GSK3B: variants seen among roughly 807,000 people sequenced by gnomAD.
GSK3B encodes the protein glycogen synthase kinase 3 beta.
A neutral mutation model predicts 56.4 loss-of-function variants in GSK3B; 15 were observed. That is an observed-to-expected ratio of 0.27 (90% confidence interval 0.18 to 0.41). The LOEUF (loss-of-function observed/expected upper bound fraction) is 0.41, where lower values mean the gene tolerates loss of function less well. GSK3B is among the 10% of genes least tolerant of loss of function. GSK3B has a pLI of 1.00. For missense variants in GSK3B, 300 were observed against 513.4 expected, an observed-to-expected ratio of 0.58 and a Z score of 4.02; for synonymous variants, 181 against 188.9, an observed-to-expected ratio of 0.96 and a Z score of 0.34.
intron 7 of GSK3B, among the ~76,000 whole-genome samples, chr3:119,883,799 G>T (rs1421683206): frequency 4.6e-5 from 7 of 152,154 alleles, no homozygotes; most frequent in African/African-American, 1.7e-4. Context: ...TGGCATCAAA[G>T]AATCTGGTTA....
intron 2 of GSK3B, among the ~76,000 whole-genome samples, chr3:119,973,704 T>C (rs569455516): frequency 6.6e-6 from 1 of 152,378 alleles, no homozygotes; most frequent in East Asian, 1.9e-4. Context: ...AATTATATAA[T>C]TGTTCTATTT....
At chr3:119,838,999 C>T (rs971001995) in intron 10 of GSK3B, among the ~76,000 whole-genome samples, 6 of 152,118 alleles carry the variant, frequency 3.9e-5, no homozygotes, top group Non-Finnish European at 8.8e-5. Context: ...GTGTTAATGT[C>T]CTCAAACTTA....
At position 119,853,994 on chromosome 3, in the gene GSK3B, T is replaced by C. The variant is rs570922077; in HGVS notation, c.1096+9425A>G. The stretch of plus-strand genomic sequence containing the variant: ...GGTGAGAAAGGGAACCCCTGTCTTG[T>C]GCCAGTTTTCAAAGAGGAATGCTTC... On this transcript the variant is annotated intron_variant, in intron 9 of 10. Transcript: ENST00000264235. Among the ~76,000 whole-genome samples the C allele has an allele frequency of 3.3e-5, 5 of 152,338 alleles. No individual in the cohort carries two copies. In the South Asian group the frequency reaches 1.0e-3, roughly 32 times the overall value.
chr3:119,955,595 C>T (rs1235287212), intron 2 of GSK3B, among the ~76,000 whole-genome samples: 5 of 151,992 alleles, frequency 3.3e-5, no homozygotes, highest in Non-Finnish European at 4.4e-5. Context: ...TTAAATACAG[C>T]GCTAAATATT....
chr3:119,879,240 G>A (rs2056351297), intron 7 of GSK3B, among the ~76,000 whole-genome samples: 1 of 152,080 alleles, frequency 6.6e-6, no homozygotes, highest in African/African-American at 2.4e-5. Context: ...GAGTGCAGTG[G>A]CGTGATCTCA....
chr3:119,939,500 AG>A (rs2057026891), intron 3 of GSK3B, among the ~76,000 whole-genome samples: 2 of 152,184 alleles, frequency 1.3e-5, no homozygotes, highest in Non-Finnish European at 2.9e-5. Flanking sequence ...TGGTAAACCC[AG>A]ACAATAAATT....
intron 9 of GSK3B, among the ~76,000 whole-genome samples, chr3:119,850,097 T>C (rs2055907917): frequency 1.3e-5 from 2 of 152,000 alleles, no homozygotes; most frequent in Non-Finnish European, 2.9e-5. Context: ...ATTTTGGCCT[T>C]AGATAAGGAG....
chr3:119,922,889 T>C (rs1193651873), intron 4 of GSK3B, among the ~76,000 whole-genome samples: 1 of 152,138 alleles, frequency 6.6e-6, no homozygotes, highest in Non-Finnish European at 1.5e-5. Flanking sequence ...ATGGCATTGA[T>C]ATTAGATACC....
intron 9 of GSK3B, among the ~76,000 whole-genome samples, chr3:119,860,570 T>C (rs140493395): frequency 7.9e-5 from 12 of 152,342 alleles, no homozygotes; most frequent in African/African-American, 2.6e-4. Flanking sequence ...TTACTGTTTA[T>C]GGCTAATTAC....
At chr3:120,055,766 TGG>T (rs1304325522) in intron 1 of GSK3B, among the ~76,000 whole-genome samples, 2 of 152,134 alleles carry the variant, frequency 1.3e-5, no homozygotes, top group African/African-American at 4.8e-5. Flanking sequence ...TACATGAAAA[TGG>T]ATCTTTCAAC....
At chr3:119,831,673 A>G (rs1252505074) in intron 10 of GSK3B, among the ~76,000 whole-genome samples, 1 of 151,664 alleles carries the variant, frequency 6.6e-6, no homozygotes, top group Non-Finnish European at 1.5e-5. Context: ...AAAAAAAAAT[A>G]AGAGAAGAGT....
intron 2 of GSK3B, among the ~76,000 whole-genome samples, chr3:119,955,765 T>C (rs1394432106): frequency 6.6e-6 from 1 of 152,120 alleles, no homozygotes; most frequent in Non-Finnish European, 1.5e-5. Flanking sequence ...GCGATTCTCC[T>C]GCCTCACCCT....
intron 1 of GSK3B, among the ~76,000 whole-genome samples, chr3:120,082,385 CTTTTTTTTTT>C (rs1173737285): frequency 1.1e-3 from 71 of 66,378 alleles, no homozygotes; most frequent in Admixed American, 1.7e-3. Flanking sequence ...TTAGTATGTT[CTTTTTTTTTT>C]TTTTTTTTTT....
At chr3:119,933,602 C>A (rs2107476956) in intron 3 of GSK3B, among the ~76,000 whole-genome samples, 1 of 152,254 alleles carries the variant, frequency 6.6e-6, no homozygotes, top group East Asian at 1.9e-4. Flanking sequence ...AGCCGCCAAG[C>A]GCGGTGGCTC....
intron 1 of GSK3B, among the ~76,000 whole-genome samples, chr3:120,008,333 T>C (rs753656087): frequency 2.6e-5 from 4 of 151,928 alleles, no homozygotes; most frequent in Admixed American, 6.6e-5. Context: ...ACCACTGACT[T>C]TCTTCACAGA....
At chr3:120,015,665 A>T (rs949097428) in intron 1 of GSK3B, among the ~76,000 whole-genome samples, 2 of 148,584 alleles carry the variant, frequency 1.3e-5, no homozygotes, top group Non-Finnish European at 3.0e-5. Context: ...AAAAAAAAAA[A>T]AAAAAAAAAA....
chr3:119,926,730 T>C (rs1250812740), intron 3 of GSK3B, among the ~76,000 whole-genome samples: 1 of 152,200 alleles, frequency 6.6e-6, no homozygotes, highest in Non-Finnish European at 1.5e-5. Flanking sequence ...ACACATATGG[T>C]ACATTTTCAG....
chr3:120,052,837 C>T (rs1437073568), intron 1 of GSK3B, among the ~76,000 whole-genome samples: 1 of 152,068 alleles, frequency 6.6e-6, no homozygotes, highest in Non-Finnish European at 1.5e-5. Context: ...TAGTTTGTAC[C>T]AAGCTATGTT....
chr3:119,929,522 C>G (rs2056922082), intron 3 of GSK3B, among the ~76,000 whole-genome samples: 1 of 152,070 alleles, frequency 6.6e-6, no homozygotes. Context: ...AATCCCAGCA[C>G]TGTAGGAGGC....
Sources: gnomAD v4.1 joint callset for allele counts (sites outside exome capture counted in the v4.1 genomes callset) on GRCh38, gnomAD v4.1.1 for gene constraint, MANE v1.5 for transcripts, NCBI Gene and HGNC (gene_info 2026-07-23, HGNC 2026-07-21) for gene names.